PPM1L: variants seen among roughly 807,000 people sequenced by gnomAD.
PPM1L encodes the protein protein phosphatase 1L.
In PPM1L, 13 loss-of-function variants were observed where a neutral mutation model predicts 31.4. The observed-to-expected ratio is 0.41, with a 90% confidence interval of 0.27 to 0.66. The LOEUF is 0.66. Among genes scored for constraint, PPM1L ranks in the 30% least tolerant of loss-of-function variants. The pLI is 0.29. For missense variants in PPM1L, 326 were observed against 453.7 expected (o/e 0.72, Z 2.56); for synonymous variants, 184 against 175.4 (o/e 1.05, Z -0.39).
chr3:160,826,191 C>T (rs922648065), intron 1 of PPM1L, among the ~76,000 whole-genome samples: 6 of 152,042 alleles, frequency 3.9e-5, no homozygotes, highest in Non-Finnish European at 8.8e-5. Flanking sequence ...AATAGTCTTA[C>T]CTCTGAGATG....
At chr3:160,904,003 T>G (rs977995851) in intron 1 of PPM1L, among the ~76,000 whole-genome samples, 5 of 152,178 alleles carry the variant, frequency 3.3e-5, no homozygotes, top group Non-Finnish European at 1.5e-5. Context: ...ATTTTTGCCT[T>G]GAGTTGAAGG....
chr3:160,817,074 CAT>C (rs903006537), intron 1 of PPM1L, among the ~76,000 whole-genome samples: 4 of 152,168 alleles, frequency 2.6e-5, no homozygotes, highest in Admixed American at 6.6e-5. Flanking sequence ...AGGAGGAAAA[CAT>C]GTGGAGAGAA....
At chr3:160,789,606 A>T (rs1419871192) in intron 1 of PPM1L, among the ~76,000 whole-genome samples, 3 of 152,044 alleles carry the variant, frequency 2.0e-5, no homozygotes, top group Non-Finnish European at 4.4e-5. Context: ...TATGTTAATT[A>T]TGTTAAGGAA....
chr3:160,806,269 GT>G (rs1027731932), intron 1 of PPM1L, among the ~76,000 whole-genome samples: 2 of 152,126 alleles, frequency 1.3e-5, no homozygotes, highest in Non-Finnish European at 2.9e-5. Context: ...CCTTCTCCTG[GT>G]TGACTCATAC....
At chr3:160,780,117 T>C (rs528723864) in intron 1 of PPM1L, among the ~76,000 whole-genome samples, 7 of 152,214 alleles carry the variant, frequency 4.6e-5, no homozygotes, top group Admixed American at 4.6e-4. Flanking sequence ...CTCAAACTCC[T>C]GGGCAAGTGA....
At position 160,944,804 on chromosome 3, in the gene PPM1L, TATATAAC is replaced by T. The variant is rs1197668760; in HGVS notation, c.400-16926_400-16920del. 2.9e-4 allele frequency among the ~76,000 whole-genome samples: 6 copies of T among 20,512 alleles called. 1 individual carries two copies. The highest frequency in any genetic ancestry group is 8.2e-4 in the African/African-American group (6 of 7,280). 13.5% of individuals were successfully genotyped at this position (20,512 alleles called of 152,430 possible). On this transcript the variant is annotated intron_variant, in intron 1 of 3. Coordinates refer to ENST00000498165, the MANE Select transcript of PPM1L (RefSeq NM_139245.4). Reference sequence around the variant, plus strand: ...TATATTATATATGTTATATATAACATATATAACATATATATGTTATATATAACATATA... The same window carrying T: ...TATATTATATATGTTATATATAACATATATATATGTTATATATAACATATA...
intron 2 of PPM1L, 104 bp from the exon 3 acceptor site, chr3:161,065,299 A>G: frequency 8.6e-7 from 1 of 1,157,530 alleles, no homozygotes; most frequent in Non-Finnish European, 1.2e-6. Flanking sequence ...ATTCTCACCC[A>G]GCAGAAGCAA....
At position 161,073,989 on chromosome 3, in the gene PPM1L, A is replaced by G. The variant is rs1175409916; in HGVS notation, c.*4832A>G. 1 of 152,212 alleles carries G rather than the reference A, an allele frequency of 6.6e-6. No homozygotes were observed. Among genetic ancestry groups the G allele is most frequent in the African/African-American group, 2.4e-5 (1 of 41,442 alleles). The allele number at this position is 152,212 out of a possible 1,614,324, so 9.4% of individuals were successfully genotyped here. On this transcript the variant is annotated 3_prime_UTR_variant, in exon 4 of 4. Coordinates refer to ENST00000498165, the MANE Select transcript of PPM1L (RefSeq NM_139245.4). ...CTTTTTGGGTTGAATCAAAATGAAT[A>G]TTTTTATATTTCATTACTATATGAT...
At chr3:160,788,540 A>G (rs1044564681) in intron 1 of PPM1L, among the ~76,000 whole-genome samples, 2 of 111,708 alleles carry the variant, frequency 1.8e-5, no homozygotes, top group African/African-American at 5.9e-5. Context: ...TGTTATTTGT[A>G]TTTTGATTTA....
In PPM1L at chr3:160,955,855, C is replaced by T. The variant is rs191071257; in HGVS notation, c.400-5881C>T. Among the ~76,000 whole-genome samples, 629 of 151,908 alleles carry T rather than the reference C, an allele frequency of 4.1e-3. 4 individuals carry two copies. The highest frequency in any genetic ancestry group is 7.2e-3 in the Non-Finnish European group (486 of 67,906). On this transcript the variant is annotated intron_variant, in intron 1 of 3. Transcript: ENST00000498165. ...ATTTTTAATAGAGACGGGGTTTCACCGTGTTAGCCAGGATGGTCTCCATCT... is the reference window on the plus strand; with the variant it reads ...ATTTTTAATAGAGACGGGGTTTCACTGTGTTAGCCAGGATGGTCTCCATCT...
At chr3:160,795,057 C>T (rs1712210184) in intron 1 of PPM1L, among the ~76,000 whole-genome samples, 1 of 152,042 alleles carries the variant, frequency 6.6e-6, no homozygotes. Flanking sequence ...TGAGCCTCAC[C>T]CCCATACAGG....
At chr3:160,783,711 C>A (rs2108068225) in intron 1 of PPM1L, among the ~76,000 whole-genome samples, 1 of 152,078 alleles carries the variant, frequency 6.6e-6, no homozygotes. Context: ...GATTGACTAA[C>A]AAAAGTAAGT....
At chr3:160,883,149 TG>T (rs1712781864) in intron 1 of PPM1L, among the ~76,000 whole-genome samples, 1 of 152,226 alleles carries the variant, frequency 6.6e-6, no homozygotes, top group African/African-American at 2.4e-5. Flanking sequence ...TACAGCATTT[TG>T]TTGTCAGTTT....
intron 1 of PPM1L, among the ~76,000 whole-genome samples, chr3:160,806,062 G>A (rs1382782000): frequency 9.2e-5 from 14 of 152,104 alleles, no homozygotes; most frequent in Non-Finnish European, 2.9e-5. Context: ...CAGCCTGCTT[G>A]GCCCATTTGC....
At chr3:161,047,368 C>T (rs1402976443) in intron 2 of PPM1L, among the ~76,000 whole-genome samples, 2 of 152,092 alleles carry the variant, frequency 1.3e-5, no homozygotes, top group African/African-American at 4.8e-5. Flanking sequence ...ACCTAGGAAT[C>T]CAACTTACAA....
intron 2 of PPM1L, among the ~76,000 whole-genome samples, chr3:161,018,190 T>G (rs933983722): frequency 1.2e-4 from 18 of 152,168 alleles, no homozygotes; most frequent in Non-Finnish European, 2.2e-4. Context: ...CAGGGACTCC[T>G]TAGGAAGGCC....
chr3:160,911,203 AT>A (rs1330406760), intron 1 of PPM1L, among the ~76,000 whole-genome samples: 3 of 152,226 alleles, frequency 2.0e-5, no homozygotes, highest in Non-Finnish European at 2.9e-5. Context: ...GTTTGGCAGA[AT>A]ATAAGTAAGA....
At chr3:161,010,449 G>C (rs1717855548) in intron 2 of PPM1L, among the ~76,000 whole-genome samples, 1 of 152,176 alleles carries the variant, frequency 6.6e-6, no homozygotes, top group Non-Finnish European at 1.5e-5. Context: ...TTGGTTCCAA[G>C]TCTTTGCTAT....
At chr3:161,058,450 AC>A (rs1719484944) in intron 2 of PPM1L, among the ~76,000 whole-genome samples, 1 of 151,878 alleles carries the variant, frequency 6.6e-6, no homozygotes. Flanking sequence ...TACTAAAGTA[AC>A]AATTTTGGAT....
Sources: gnomAD v4.1 joint callset for allele counts (sites outside exome capture counted in the v4.1 genomes callset) on GRCh38, gnomAD v4.1.1 for gene constraint, MANE v1.5 for transcripts, NCBI Gene and HGNC (gene_info 2026-07-23, HGNC 2026-07-21) for gene names.